The following RPTOR variants were observed in gnomAD, a reference collection of about 807,000 sequenced individuals.
RPTOR encodes the protein regulatory-associated protein of mTOR.
In RPTOR, 21 loss-of-function variants were observed where a neutral mutation model predicts 169.9. That is an observed-to-expected ratio of 0.12 (90% CI 0.09 to 0.18). The LOEUF is 0.18. Among genes scored for constraint, RPTOR ranks in the 10% least tolerant of loss-of-function variants. The probability of loss-of-function intolerance (pLI) is 1.00; values close to 1 mark genes in which losing one functional copy is unlikely to be tolerated. For synonymous variants in RPTOR, 732 were observed against 753.2 expected (o/e 0.97, Z 0.46); for missense variants, 1,133 against 1,855.9 (o/e 0.61, Z 7.16).
chr17:80,695,907 G>T lies in RPTOR; in HGVS notation c.349-11934G>T, dbSNP rs1476197968. 6.6e-6 allele frequency among the ~76,000 whole-genome samples: 1 copy of T among 152,196 alleles called. No homozygotes were observed. The highest frequency in any genetic ancestry group is 1.5e-5 in the Non-Finnish European group (1 of 68,044). ...GTGGCTGCCTTTTCTACCTGCGTGA[G>T]CTGGCTTTGATCTACCCCGGACCCA... is the stretch of plus-strand genomic sequence containing the variant. On this transcript the variant is annotated intron_variant, in intron 3 of 33. Coordinates refer to ENST00000306801, the MANE Select transcript of RPTOR (RefSeq NM_020761.3). This position sits in a 1 kb window ranked among gnomAD's most constrained non-coding sequence, Gnocchi z 4.9.
chr17:80,835,627 C>G (rs747588251), intron 9 of RPTOR, among the ~76,000 whole-genome samples: 11 of 152,222 alleles, frequency 7.2e-5, no homozygotes, highest in Non-Finnish European at 1.2e-4. Flanking sequence ...GACAGTTCCC[C>G]TCCCGACCTT....
intron 3 of RPTOR, among the ~76,000 whole-genome samples, chr17:80,700,697 A>ATGGTGG (rs1567864587): frequency 4.3e-5 from 1 of 23,034 alleles, no homozygotes; most frequent in Non-Finnish European, 9.7e-5. Context: ...GGTGATGGTG[A>ATGGTGG]TGGTGGTGGT....
chr17:80,714,021 C>G (rs1337142576), intron 4 of RPTOR, among the ~76,000 whole-genome samples: 1 of 152,108 alleles, frequency 6.6e-6, no homozygotes, highest in South Asian at 2.1e-4. Flanking sequence ...TCACTGCAAC[C>G]TCCACCTCCT....
At position 80,893,850 on chromosome 17, in the gene RPTOR, C is replaced by G; in HGVS notation, c.2386C>G (p.Leu796Val). ...GCGCCGCGCCAGCTCCTACTCCTCC[C>G]TCAACTCCCTCATCGGTGAGTCCGC... ...KMRRASSYSS[L>V]NSLIGVSFNS... Residue 796 changes from leucine (L) to valine (V), a missense_variant, in exon 20 of 34, where the codon CTC becomes GTC. By Grantham distance (32) the Leu-to-Val change is conservative. Around this residue, in one of 9 missense-constraint regions of RPTOR, gnomAD observed 150 missense variants for 206.4 expected, o/e 0.73. Coordinates refer to ENST00000306801, the MANE Select transcript of RPTOR (RefSeq NM_020761.3). 6.6e-7 allele frequency: 1 copy of G among 1,521,342 alleles called. No individual in the cohort carries two copies. The highest frequency in any genetic ancestry group is 8.8e-7 in the Non-Finnish European group (1 of 1,132,872). The allele number at this position is 1,521,342 out of a possible 1,614,324, so 94.2% of individuals were successfully genotyped here. A position where few individuals can be genotyped will look rare whatever the true frequency, so the allele number is the denominator to read the frequency against.
intron 7 of RPTOR, among the ~76,000 whole-genome samples, chr17:80,814,732 C>A (rs1277233426): frequency 2.0e-5 from 3 of 152,192 alleles, no homozygotes; most frequent in East Asian, 3.8e-4. Context: ...AGCATCGTAA[C>A]AGCAAGATGA....
intron 2 of RPTOR, among the ~76,000 whole-genome samples, chr17:80,638,971 C>T (rs2065531106): frequency 1.3e-5 from 2 of 152,178 alleles, no homozygotes; most frequent in African/African-American, 2.4e-5. Context: ...CCGCGGGTCC[C>T]GGCCGAAGCT....
chr17:80,660,069 G>A (rs111303236), intron 3 of RPTOR, among the ~76,000 whole-genome samples: 6 of 152,182 alleles, frequency 3.9e-5, no homozygotes, highest in African/African-American at 1.4e-4. Flanking sequence ...TCAGGAGTTC[G>A]AGACCAGTCT....
At chr17:80,829,567 G>T (rs1026929025) in intron 9 of RPTOR, among the ~76,000 whole-genome samples, 1 of 152,190 alleles carries the variant, frequency 6.6e-6, no homozygotes, top group Non-Finnish European at 1.5e-5. Flanking sequence ...GTTCCAAGCT[G>T]GGCCATGAAC....
At chr17:80,662,212 C>G (rs1257878389) in intron 3 of RPTOR, among the ~76,000 whole-genome samples, 1 of 152,142 alleles carries the variant, frequency 6.6e-6, no homozygotes, top group African/African-American at 2.4e-5. Flanking sequence ...TTCTCCTGGC[C>G]GAGGCCAGCC....
chr17:80,821,517 G>C (rs571588711), intron 7 of RPTOR, among the ~76,000 whole-genome samples: 1 of 152,098 alleles, frequency 6.6e-6, no homozygotes, highest in Non-Finnish European at 1.5e-5. Flanking sequence ...CTGTCCTCAC[G>C]GCTGAGGAGT....
intron 4 of RPTOR, among the ~76,000 whole-genome samples, chr17:80,722,560 A>G (rs1220538444): frequency 4.0e-5 from 6 of 151,196 alleles, no homozygotes; most frequent in Admixed American, 3.3e-4. Context: ...CAGGTGGGGC[A>G]GGAATGGAAG....
chr17:80,964,487 T>G lies in RPTOR; in HGVS notation c.*157T>G, dbSNP rs2069399566. On this transcript the variant is annotated 3_prime_UTR_variant, in exon 34 of 34. Transcript: ENST00000306801. ...CGGCAGGAGGGCCCTGCTACTCGCTTTTGTCTGTCTTCGCTGTCGTGTCTG... is the reference window on the plus strand; with the variant it reads ...CGGCAGGAGGGCCCTGCTACTCGCTGTTGTCTGTCTTCGCTGTCGTGTCTG... 3 of 696,290 alleles carry G rather than the reference T, an allele frequency of 4.3e-6. No homozygotes were observed. In the Admixed American group the frequency reaches 7.0e-5, roughly 16 times the overall value. The allele number at this position is 696,290 out of a possible 1,614,324, so 43.1% of individuals were successfully genotyped here.
chr17:80,547,770 A>G (rs916630251), intron 1 of RPTOR, among the ~76,000 whole-genome samples: 7 of 152,224 alleles, frequency 4.6e-5, no homozygotes, highest in African/African-American at 1.7e-4. Context: ...GGATGGTAGC[A>G]TAAGAGAATG....
At position 80,609,432 on chromosome 17, in the gene RPTOR, A is replaced by G. The variant is rs1469677892; in HGVS notation, c.163-16259A>G. 2.0e-5 allele frequency among the ~76,000 whole-genome samples: 3 copies of G among 152,186 alleles called. No homozygotes were observed. The highest frequency in any genetic ancestry group is 4.4e-5 in the Non-Finnish European group (3 of 68,034). On this transcript the variant is annotated intron_variant, in intron 1 of 33. Transcript: ENST00000306801. This position sits in a 1 kb window ranked among gnomAD's most constrained non-coding sequence, Gnocchi z 4.8. Reference sequence around the variant, plus strand: ...GTTTAAGCCAGAAAACAATGTTGATACGTCTTGAGATGTGTATAAATCATT... The same window carrying G: ...GTTTAAGCCAGAAAACAATGTTGATGCGTCTTGAGATGTGTATAAATCATT...
At chr17:80,922,444 A>C (rs2068756893) in intron 21 of RPTOR, among the ~76,000 whole-genome samples, 2 of 152,182 alleles carry the variant, frequency 1.3e-5, no homozygotes, top group Admixed American at 6.5e-5. Context: ...CTGACCCCTC[A>C]GGAGCCTCAG....
At chr17:80,685,627 A>ATATATATATATTTTTTTTTTT (rs1269766086) in intron 3 of RPTOR, among the ~76,000 whole-genome samples, 1 of 30,686 alleles carries the variant, frequency 3.3e-5, no homozygotes, top group Non-Finnish European at 5.4e-5. Flanking sequence ...ATATATATAT[A>ATATATATATATTTTTTTTTTT]TTTTTTTTTT....
chr17:80,613,395 C>T (rs4890054), intron 1 of RPTOR, among the ~76,000 whole-genome samples: 13,746 of 152,226 alleles, frequency 0.09, 688 homozygotes, highest in Middle Eastern at 0.12. Flanking sequence ...ATCAGGGCAC[C>T]GCAGCCCCAG....
intron 20 of RPTOR, among the ~76,000 whole-genome samples, chr17:80,903,791 T>C (rs1422875736): frequency 6.6e-6 from 1 of 152,138 alleles, no homozygotes; most frequent in Non-Finnish European, 1.5e-5. Flanking sequence ...AGAGAAGGTA[T>C]TGGTTTCTGC....
intron 13 of RPTOR, among the ~76,000 whole-genome samples, chr17:80,862,763 C>T (rs1045468433): frequency 6.6e-6 from 1 of 152,204 alleles, no homozygotes; most frequent in Non-Finnish European, 1.5e-5. Flanking sequence ...TCAGCCGTCC[C>T]TGTGACTCCT....
Sources: gnomAD v4.1 joint callset for allele counts (sites outside exome capture counted in the v4.1 genomes callset) on GRCh38, gnomAD v4.1.1 for gene constraint, gnomAD v4.1.1 regional missense constraint, Gnocchi (gnomAD v3.1) non-coding constraint, MANE v1.5 for transcripts, NCBI Gene and HGNC (gene_info 2026-07-23, HGNC 2026-07-21) for gene names.